The following TAGLN3 variants were observed in gnomAD, a reference collection of about 807,000 sequenced individuals.
The protein encoded by TAGLN3 is transgelin 3, also known as transgelin-3.
A neutral mutation model predicts 25.4 loss-of-function variants in TAGLN3; 12 were observed. The observed-to-expected ratio is 0.47, with a 90% CI of 0.30 to 0.77. The LOEUF (loss-of-function observed/expected upper bound fraction) is 0.77, where lower values mean the gene tolerates loss of function less well. Ranked by LOEUF, TAGLN3 falls within the 30% of genes least tolerant of loss-of-function variation. The pLI, the probability that TAGLN3 is intolerant of heterozygous loss-of-function variation, is 0.06. For missense variants in TAGLN3, 218 were observed against 255.8 expected (o/e 0.85, Z 1.01); for synonymous variants, 96 against 94.8 (o/e 1.01, Z -0.08).
chr3:112,005,009 T>C (rs997014382), intron 3 of TAGLN3, among the ~76,000 whole-genome samples: 48 of 152,188 alleles, frequency 3.2e-4, no homozygotes, highest in African/African-American at 1.1e-3. Flanking sequence ...CTTGATGTCT[T>C]TCCCCATAAT....
chr3:112,004,314 T>A (rs1366246605), intron 3 of TAGLN3, among the ~76,000 whole-genome samples: 2 of 151,706 alleles, frequency 1.3e-5, no homozygotes, highest in African/African-American at 4.9e-5. Context: ...GAAAGTACTC[T>A]GCAGGTAAGA....
At chr3:112,002,663 GT>G (rs1311771781) in intron 3 of TAGLN3, among the ~76,000 whole-genome samples, 1 of 148,080 alleles carries the variant, frequency 6.8e-6, no homozygotes. Context: ...ACCCCACAAA[GT>G]GCAGGAAGTG....
intron 3 of TAGLN3, among the ~76,000 whole-genome samples, chr3:112,011,031 C>G (rs2072970037): frequency 6.6e-6 from 1 of 152,202 alleles, no homozygotes; most frequent in South Asian, 2.1e-4. Context: ...CCTTTTAACC[C>G]TATGCTTTTT....
In TAGLN3 at chr3:111,999,630, G is replaced by A. The variant is rs200735658; in HGVS notation, c.180+28G>A. On this transcript the variant is annotated intron_variant, in intron 2 of 4. Coordinates refer to ENST00000478951, the MANE Select transcript of TAGLN3 (RefSeq NM_001008272.2). ...AAGGCCGGCAGCGATCTCGGTTGCT[G>A]GGGCGGTGGGCAGGGAAACCCTCCA... 372 of 1,607,196 alleles carry A rather than the reference G, an allele frequency of 2.3e-4. 1 individual carries two copies. The highest frequency in any genetic ancestry group is 1.4e-3 in the Middle Eastern group (8 of 5,854).
At chr3:112,011,972 A>G in intron 4 of TAGLN3, 107 bp downstream of exon 4, 1 of 973,730 alleles carries the variant, frequency 1.0e-6, no homozygotes, top group South Asian at 1.8e-5. Flanking sequence ...CCCCAGGACC[A>G]AGCACTGCTG....
intron 3 of TAGLN3, among the ~76,000 whole-genome samples, chr3:112,010,743 G>A (rs905857451): frequency 4.6e-5 from 7 of 152,164 alleles, no homozygotes; most frequent in African/African-American, 1.4e-4. Context: ...CATGGGAGGT[G>A]GGGGTAGAGG....
intron 4 of TAGLN3, 119 bp from the exon 5 acceptor site, chr3:112,013,291 C>T: frequency 7.6e-7 from 1 of 1,315,150 alleles, no homozygotes; most frequent in Non-Finnish European, 1.0e-6. Context: ...AACCACAGCT[C>T]AGGGTAGGAC....
intron 3 of TAGLN3, among the ~76,000 whole-genome samples, chr3:112,008,749 G>A (rs759928768): frequency 6.6e-6 from 1 of 152,188 alleles, no homozygotes; most frequent in African/African-American, 2.4e-5. Flanking sequence ...ACAAGAAAGT[G>A]AGCTAGATGT....
chr3:111,999,501 G>A lies in TAGLN3; in HGVS notation c.79G>A (p.Glu27Lys), dbSNP rs2072829646. The change falls in exon 2 of 5, where the codon GAG (glutamate) becomes AAG (lysine). Residue 27 changes from glutamate to lysine, a missense_variant. By Grantham distance (56) the Glu-to-Lys change is moderately conservative. Coordinates refer to ENST00000478951, the MANE Select transcript of TAGLN3 (RefSeq NM_001008272.2). The part of the protein sequence containing the change: ...KIEQKYDADL[E>K]NKLVDWIILQ... ...CGAGCAGAAGTATGATGCGGACCTGGAGAACAAGCTGGTGGACTGGATCAT... is the reference window on the plus strand; with the variant it reads ...CGAGCAGAAGTATGATGCGGACCTGAAGAACAAGCTGGTGGACTGGATCAT... 5 of 1,614,218 alleles carry A rather than the reference G, an allele frequency of 3.1e-6. No homozygotes were observed. Among genetic ancestry groups the A allele is most frequent in the Non-Finnish European group, 3.4e-6 (4 of 1,180,026 alleles).
chr3:112,001,703 A>G (rs2072863045), intron 3 of TAGLN3, among the ~76,000 whole-genome samples: 2 of 152,164 alleles, frequency 1.3e-5, no homozygotes, highest in African/African-American at 4.8e-5. Flanking sequence ...AGAGATACCA[A>G]CTAGTCAGAG....
chr3:111,999,651 C>A, intron 2 of TAGLN3, 49 bp downstream of exon 2: 4 of 1,590,176 alleles, frequency 2.5e-6, no homozygotes, highest in Non-Finnish European at 2.6e-6. Context: ...CAGGGAAACC[C>A]TCCAGGGCCC....
rs981578035 is a variant in TAGLN3 at position 111,999,130 on chromosome 3, A to G, written c.-3+16A>G. 4 of 266,912 alleles carry G rather than the reference A, an allele frequency of 1.5e-5. No individual in the cohort carries two copies. Among genetic ancestry groups the G allele is most frequent in the African/African-American group, 2.2e-5 (1 of 45,750 alleles). The allele number at this position is 266,912 out of a possible 1,614,324, so 16.5% of individuals were successfully genotyped here. A position where few individuals can be genotyped will look rare whatever the true frequency, so the allele number is the denominator to read the frequency against. Reference sequence around the variant, plus strand: ...AGACTTGATTGTGAGTCCGTGTTATATCATCTGGTCTCATTGATAGGCGGG... The same window carrying G: ...AGACTTGATTGTGAGTCCGTGTTATGTCATCTGGTCTCATTGATAGGCGGG... On this transcript the variant is annotated intron_variant, in intron 1 of 4. Transcript: ENST00000478951.
At chr3:112,010,161 T>C (rs1249571409) in intron 3 of TAGLN3, among the ~76,000 whole-genome samples, 2 of 152,080 alleles carry the variant, frequency 1.3e-5, no homozygotes, top group African/African-American at 2.4e-5. Flanking sequence ...TCTAGTTCTA[T>C]AGTTTAATAA....
Position 112,013,865 on chromosome 3 carries a change from T to G in TAGLN3, c.*314T>G. 1 of 375,956 alleles carries G rather than the reference T, an allele frequency of 2.7e-6. No individual in the cohort carries two copies. The highest frequency in any genetic ancestry group is 5.1e-6 in the Non-Finnish European group (1 of 197,864). The allele number at this position is 375,956 out of a possible 1,614,324, so 23.3% of individuals were successfully genotyped here. On this transcript the variant is annotated 3_prime_UTR_variant, in exon 5 of 5. Transcript: ENST00000478951. ...TCTTCAACTTATAGAATGCACCTAA[T>G]AAAGTAATTAGTCTTGTGTCTTACA...
At chr3:112,001,268 C>T (rs2072856581) in intron 3 of TAGLN3, among the ~76,000 whole-genome samples, 1 of 152,150 alleles carries the variant, frequency 6.6e-6, no homozygotes, top group African/African-American at 2.4e-5. Flanking sequence ...TCACAGCTAC[C>T]AGAGGAGAAG....
intron 4 of TAGLN3, among the ~76,000 whole-genome samples, chr3:112,012,917 T>C (rs2072994588): frequency 6.6e-6 from 1 of 152,210 alleles, no homozygotes; most frequent in Non-Finnish European, 1.5e-5. Flanking sequence ...ATGTGCTTTG[T>C]AAGAAGAACC....
Position 111,999,470 on chromosome 3 carries a change from G to A in TAGLN3, c.48G>A (p.Glu16=). ...ATGGCTTAAGCCGAGAGGTGCAGGA[G>A]AAGATCGAGCAGAAGTATGATGCGG... The part of the protein sequence containing the change: ...PSYGLSREVQ[E]KIEQKYDADL... Residue 16 remains glutamate (E), a synonymous_variant, in exon 2 of 5, where the codon GAG becomes GAA. Transcript: ENST00000478951. 1.2e-6 allele frequency: 2 copies of A among 1,614,248 alleles called. No individual in the cohort carries two copies. The highest frequency in any genetic ancestry group is 2.7e-5 in the African/African-American group (2 of 75,080).
At chr3:112,003,947 A>C (rs1482491207) in intron 3 of TAGLN3, among the ~76,000 whole-genome samples, 1 of 152,198 alleles carries the variant, frequency 6.6e-6, no homozygotes, top group Non-Finnish European at 1.5e-5. Flanking sequence ...CTGAGGCCCC[A>C]GATGTACCAC....
chr3:112,001,032 C>T (rs2292582), intron 3 of TAGLN3, 86 bp downstream of exon 3: 245,559 of 1,235,182 alleles, frequency 0.2, 25,334 homozygotes, highest in Middle Eastern at 0.22. Flanking sequence ...AGTGTTCTTC[C>T]CTGTGCCGAT....
Sources: allele counts gnomAD v4.1 joint callset (sites outside exome capture counted in the v4.1 genomes callset), GRCh38; gene constraint gnomAD v4.1.1; transcripts MANE v1.5; gene names NCBI Gene and HGNC (gene_info 2026-07-23, HGNC 2026-07-21).